Variants in PRKD3 observed in about 807,000 individuals in gnomAD.
PRKD3 encodes the protein protein kinase D3.
PRKD3 carries 47 observed loss-of-function variants against 99.2 expected under a neutral mutation model. That is an observed-to-expected ratio of 0.47 (90% CI 0.38 to 0.60). The LOEUF (loss-of-function observed/expected upper bound fraction) is 0.60. Among genes scored for constraint, PRKD3 ranks in the 20% least tolerant of loss-of-function variants. The pLI is 0.00. For missense variants in PRKD3, 1,019 were observed against 1,088.4 expected, an observed-to-expected ratio of 0.94 and a Z score of 0.90; for synonymous variants, 392 against 355.4, an observed-to-expected ratio of 1.10 and a Z score of -1.16.
At chr2:37,322,040 TC>T (rs1460043470) in intron 1 of PRKD3, among the ~76,000 whole-genome samples, 2 of 151,086 alleles carry the variant, frequency 1.3e-5, no homozygotes, top group African/African-American at 2.4e-5. Flanking sequence ...TTTTCCAGGT[TC>T]AACTTAAGTT....
At chr2:37,314,443 C>T (rs1671573526) in intron 2 of PRKD3, among the ~76,000 whole-genome samples, 1 of 152,190 alleles carries the variant, frequency 6.6e-6, no homozygotes. Flanking sequence ...CCAAGAATTT[C>T]ACCCACTGAC....
At position 37,279,835 on chromosome 2, in the gene PRKD3, T is replaced by C. The variant is rs1050886134; in HGVS notation, c.1083A>G (p.Glu361=). 1 of 1,613,672 alleles carries C rather than the reference T, an allele frequency of 6.2e-7. No individual in the cohort carries two copies. Among genetic ancestry groups the C allele is most frequent in the Non-Finnish European group, 8.5e-7 (1 of 1,179,668 alleles). ...TCTTATCTTCTGGGGGTGATGGCTC[T>C]TCTGTGTCATCCAAACCCCGACTAC... The part of the protein sequence containing the change: ...SDSSRGLDDT[E]EPSPPEDKMF... The change falls in exon 8 of 19, where the codon GAA becomes GAG. Residue 361 remains glutamate, a synonymous_variant. Transcript: ENST00000234179.
intron 9 of PRKD3, among the ~76,000 whole-genome samples, chr2:37,276,788 A>T (rs1669590095): frequency 1.3e-5 from 2 of 149,566 alleles, no homozygotes; most frequent in Non-Finnish European, 3.0e-5. Flanking sequence ...GTATATATGT[A>T]TATATACACA....
In PRKD3 at chr2:37,285,484, G is replaced by A. The variant is rs144408381; in HGVS notation, c.910+693C>T. On this transcript the variant is annotated intron_variant, in intron 6 of 18. Coordinates refer to ENST00000234179, the MANE Select transcript of PRKD3 (RefSeq NM_005813.6). The stretch of plus-strand genomic sequence containing the variant: ...TACCTATTTCAGGGTGATTATTCTC[G>A]GGAATGACAGTTTTTGTATAATTCT... 4.7e-3 allele frequency among the ~76,000 whole-genome samples: 710 copies of A among 151,932 alleles called. 8 individuals are homozygous for A. The highest frequency in any genetic ancestry group is 0.024 in the East Asian group (125 of 5,172).
intron 14 of PRKD3, among the ~76,000 whole-genome samples, chr2:37,267,003 T>C (rs991833265): frequency 1.7e-4 from 26 of 152,204 alleles, no homozygotes; most frequent in African/African-American, 5.8e-4. Flanking sequence ...AATATATCTT[T>C]AAAATACGCC....
chr2:37,269,541 C>T (rs769222235), intron 13 of PRKD3, 74 bp downstream of exon 13: 1 of 1,329,660 alleles, frequency 7.5e-7, no homozygotes, highest in East Asian at 2.3e-5. Flanking sequence ...GATGACAAAA[C>T]AGCTGGCAGA....
chr2:37,313,615 A>C (rs1175866063), intron 2 of PRKD3, among the ~76,000 whole-genome samples: 2 of 152,250 alleles, frequency 1.3e-5, no homozygotes, highest in East Asian at 3.8e-4. Flanking sequence ...ATAGGAAAAC[A>C]GAGAGGTCAT....
chr2:37,278,865 G>A (rs760416600), intron 8 of PRKD3: 3 of 152,044 alleles, frequency 2.0e-5, no homozygotes, highest in Non-Finnish European at 2.9e-5. Context: ...TGAACCGGGA[G>A]GCAGAGGTTG....
At chr2:37,258,113 A>G (rs1282197556) in intron 16 of PRKD3, among the ~76,000 whole-genome samples, 4 of 152,230 alleles carry the variant, frequency 2.6e-5, no homozygotes, top group Admixed American at 2.6e-4. Context: ...GCTCTGACTT[A>G]AAAAATGTCT....
intron 2 of PRKD3, among the ~76,000 whole-genome samples, chr2:37,296,899 C>CAAA (rs748730644): frequency 0.02 from 961 of 48,012 alleles, 8 homozygotes; most frequent in Middle Eastern, 0.031. Flanking sequence ...GACTCTGTCT[C>CAAA]AAAAAAAAAA....
chr2:37,312,680 G>A (rs1017233710), intron 2 of PRKD3, among the ~76,000 whole-genome samples: 4 of 152,120 alleles, frequency 2.6e-5, no homozygotes, highest in South Asian at 4.1e-4. Flanking sequence ...GTAACTACAC[G>A]TGTTCAATAA....
In PRKD3 at chr2:37,269,133, T is replaced by A. The variant is rs2300885; in HGVS notation, c.1777+482A>T. Reference sequence around the variant, plus strand: ...AGGTTTTATTAGTTCCATTAAACAGTTGAAGATGCTAACGCACAGTAAGGT... The same window carrying A: ...AGGTTTTATTAGTTCCATTAAACAGATGAAGATGCTAACGCACAGTAAGGT... On this transcript the variant is annotated intron_variant, in intron 13 of 18. Transcript: ENST00000234179. 1,167 of 168,188 alleles carry A rather than the reference T, an allele frequency of 6.9e-3. 5 individuals carry two copies. The highest frequency in any genetic ancestry group is 9.0e-3 in the Non-Finnish European group (691 of 76,796). The allele number at this position is 168,188 out of a possible 1,614,324, so 10.4% of individuals were successfully genotyped here.
chr2:37,319,930 T>G (rs947439481), intron 1 of PRKD3, among the ~76,000 whole-genome samples: 1 of 152,224 alleles, frequency 6.6e-6, no homozygotes, highest in African/African-American at 2.4e-5. Flanking sequence ...ATGAGAGCAC[T>G]TCTTACTTAA....
intron 13 of PRKD3, chr2:37,268,065 AT>A (rs1383542581): frequency 5.1e-6 from 1 of 196,310 alleles, no homozygotes; most frequent in African/African-American, 2.4e-5. Context: ...TCATTTATTA[AT>A]TCAAATTAAC....
intron 3 of PRKD3, 92 bp from the exon 4 acceptor site, chr2:37,291,091 G>A: frequency 1.7e-6 from 2 of 1,202,462 alleles, no homozygotes; most frequent in South Asian, 2.0e-5. Context: ...AAAGTACACA[G>A]AATCATTTTT....
At chr2:37,305,733 T>C (rs866094306) in intron 2 of PRKD3, among the ~76,000 whole-genome samples, 16 of 152,222 alleles carry the variant, frequency 1.1e-4, no homozygotes, top group Admixed American at 6.5e-4. Context: ...TGTAAGCATG[T>C]TGGCAGGCTA....
At chr2:37,311,354 T>C (rs1038154500) in intron 2 of PRKD3, among the ~76,000 whole-genome samples, 2 of 152,222 alleles carry the variant, frequency 1.3e-5, no homozygotes, top group Non-Finnish European at 2.9e-5. Flanking sequence ...TAGGGCAATT[T>C]GACATTTGCT....
intron 2 of PRKD3, among the ~76,000 whole-genome samples, chr2:37,314,400 T>C (rs1279279437): frequency 2.0e-5 from 3 of 152,198 alleles, no homozygotes; most frequent in African/African-American, 7.2e-5. Context: ...ATCACTCTAG[T>C]TGCTCACAGA....
intron 2 of PRKD3, among the ~76,000 whole-genome samples, chr2:37,312,511 G>C (rs563394107): frequency 6.6e-6 from 1 of 152,170 alleles, no homozygotes; most frequent in Non-Finnish European, 1.5e-5. Flanking sequence ...AGCTCTTATA[G>C]TGTAAATAAG....
Sources: gnomAD v4.1 joint callset for allele counts (sites outside exome capture counted in the v4.1 genomes callset) on GRCh38, gnomAD v4.1.1 for gene constraint, MANE v1.5 for transcripts, NCBI Gene and HGNC (gene_info 2026-07-23, HGNC 2026-07-21) for gene names.